Variants in TMEM120B observed in about 807,000 individuals in gnomAD.
TMEM120B encodes transmembrane protein 120B.
A neutral mutation model predicts 55.5 loss-of-function variants in TMEM120B; 31 were observed. The observed-to-expected ratio is 0.56, with a 90% CI of 0.42 to 0.75. TMEM120B has a LOEUF of 0.75. Ranked by LOEUF, TMEM120B falls within the 30% of genes least tolerant of loss-of-function variation. The pLI is 0.00. For synonymous variants in TMEM120B, 203 were observed against 176.3 expected, an observed-to-expected ratio of 1.15 and a Z score of -1.20; for missense variants, 399 against 425.5, an observed-to-expected ratio of 0.94 and a Z score of 0.55.
At chr12:121,726,143 G>C (rs1012197385) in intron 1 of TMEM120B, among the ~76,000 whole-genome samples, 2 of 151,976 alleles carry the variant, frequency 1.3e-5, no homozygotes, top group Non-Finnish European at 2.9e-5. Flanking sequence ...GAGACACCGG[G>C]GATCTTATTG....
intron 2 of TMEM120B, among the ~76,000 whole-genome samples, chr12:121,745,773 C>T (rs1185371812): frequency 6.6e-6 from 1 of 151,922 alleles, no homozygotes; most frequent in Non-Finnish European, 1.5e-5. Context: ...CAGCCTTGAT[C>T]TCCTGGGCTC....
Position 121,775,165 on chromosome 12 carries a change from C to T in TMEM120B, c.906+35C>T. On this transcript the variant is annotated intron_variant, in intron 11 of 11. Transcript: ENST00000449592. This position sits in a 1 kb window ranked among gnomAD's most constrained non-coding sequence, Gnocchi z 4.3. Reference sequence around the variant, plus strand: ...GTGGGGGCATGCTCGGGGGAGGTTCCCGGGAGGGCTGGGGTGGCAGGGATG... The same window carrying T: ...GTGGGGGCATGCTCGGGGGAGGTTCTCGGGAGGGCTGGGGTGGCAGGGATG... 1.4e-6 allele frequency: 2 copies of T among 1,406,166 alleles called. No homozygotes were observed. The highest frequency in any genetic ancestry group is 2.5e-5 in the East Asian group (1 of 39,374). 87.1% of individuals were successfully genotyped at this position (1,406,166 alleles called of 1,614,324 possible).
chr12:121,771,064 G>C (rs562721388), intron 7 of TMEM120B, 92 bp downstream of exon 7: 1 of 1,392,430 alleles, frequency 7.2e-7, no homozygotes, highest in African/African-American at 1.4e-5. Flanking sequence ...ACAGCGGTGG[G>C]GGGTGTGCTC....
intron 1 of TMEM120B, among the ~76,000 whole-genome samples, chr12:121,742,442 A>G (rs960276951): frequency 2.6e-5 from 4 of 152,196 alleles, no homozygotes; most frequent in Non-Finnish European, 5.9e-5. Context: ...AAAACAAAAA[A>G]AATCACTTTA....
chr12:121,748,813 A>T lies in TMEM120B; in HGVS notation c.305+371A>T, dbSNP rs574146373. Among the ~76,000 whole-genome samples, 14 of 152,284 alleles carry T rather than the reference A, an allele frequency of 9.2e-5. No individual in the cohort carries two copies. The South Asian group carries it at 2.3e-3, about 25-fold the overall frequency. Reference sequence around the variant, plus strand: ...TGATGTCACCTGGTTTATCCTCAACAATCTGTGCGTCAGACCAAGAGATGC... The same window carrying T: ...TGATGTCACCTGGTTTATCCTCAACTATCTGTGCGTCAGACCAAGAGATGC... On this transcript the variant is annotated intron_variant, in intron 3 of 11. Coordinates refer to ENST00000449592, the MANE Select transcript of TMEM120B (RefSeq NM_001080825.2).
Position 121,777,575 on chromosome 12 carries a change from ATTCTGGTCTCCT to A in TMEM120B, c.*1862_*1873del, listed in dbSNP as rs1398317555. 4 of 152,142 alleles carry A rather than the reference ATTCTGGTCTCCT, an allele frequency of 2.6e-5. No individual in the cohort carries two copies. The highest frequency in any genetic ancestry group is 9.7e-5 in the African/African-American group (4 of 41,386). 9.4% of individuals were successfully genotyped at this position (152,142 alleles called of 1,614,324 possible). On this transcript the variant is annotated 3_prime_UTR_variant, in exon 12 of 12. Coordinates refer to ENST00000449592, the MANE Select transcript of TMEM120B (RefSeq NM_001080825.2). ...AGGCCCTGCCACCCCCCTGCCCTTC[ATTCTGGTCTCCT>A]TTCTGGTCCTTTTTAGGCACCTGCG...
At chr12:121,735,153 T>C (rs1233698979) in intron 1 of TMEM120B, among the ~76,000 whole-genome samples, 1 of 138,342 alleles carries the variant, frequency 7.2e-6, no homozygotes, top group Non-Finnish European at 1.5e-5. Context: ...ACCAGTGCAC[T>C]CTAGCCTGGG....
At chr12:121,772,243 C>T (rs1367872938) in intron 8 of TMEM120B, among the ~76,000 whole-genome samples, 1 of 151,504 alleles carries the variant, frequency 6.6e-6, no homozygotes, top group African/African-American at 2.4e-5. Flanking sequence ...ATTCTTCTGC[C>T]TCAGCCTCCC....
At chr12:121,761,610 C>A in intron 5 of TMEM120B, 39 bp from the exon 6 acceptor site, 1 of 1,538,384 alleles carries the variant, frequency 6.5e-7, no homozygotes, top group Non-Finnish European at 9.0e-7. Flanking sequence ...GCCTGGTTCT[C>A]ACGCCCGCAC....
intron 1 of TMEM120B, among the ~76,000 whole-genome samples, chr12:121,732,718 G>T (rs994330373): frequency 6.6e-6 from 1 of 152,092 alleles, no homozygotes; most frequent in Non-Finnish European, 1.5e-5. Context: ...GGTGGCTCAC[G>T]CCTGTAATCC....
intron 1 of TMEM120B, among the ~76,000 whole-genome samples, chr12:121,733,956 G>A (rs563346229): frequency 1.3e-5 from 2 of 152,308 alleles, no homozygotes; most frequent in Admixed American, 6.5e-5. Context: ...CAAAGGATGT[G>A]TTTAGGGTAT....
chr12:121,734,543 C>T (rs949043240), intron 1 of TMEM120B, among the ~76,000 whole-genome samples: 3 of 151,492 alleles, frequency 2.0e-5, no homozygotes, highest in Non-Finnish European at 2.9e-5. Context: ...CAGGCGTGAG[C>T]CACCACGCCT....
intron 1 of TMEM120B, 72 bp from the exon 2 acceptor site, chr12:121,743,555 CAA>C (rs58947958): frequency 2.0e-4 from 194 of 966,302 alleles, no homozygotes; most frequent in East Asian, 2.5e-4. Flanking sequence ...GAGACTCTCT[CAA>C]AAAAAAAAAG....
rs1282786023 is a variant in TMEM120B at position 121,741,140 on chromosome 12, G to C, written c.70-2489G>C. Among the ~76,000 whole-genome samples the C allele has an allele frequency of 2.0e-5, 3 of 152,068 alleles. No homozygotes were observed. The South Asian group carries it at 6.2e-4, about 32-fold the overall frequency. On this transcript the variant is annotated intron_variant, in intron 1 of 11. Transcript: ENST00000449592. Reference sequence around the variant, plus strand: ...CTTACTGAGCATACAAAATTAGGTAGCCAGACTTGGCCTGCGGCGGTGGTT... The same window carrying C: ...CTTACTGAGCATACAAAATTAGGTACCCAGACTTGGCCTGCGGCGGTGGTT...
rs139748818 is a variant in TMEM120B at position 121,742,641 on chromosome 12, A to C, written c.70-988A>C. 3.8e-4 allele frequency among the ~76,000 whole-genome samples: 58 copies of C among 152,192 alleles called. No individual in the cohort carries two copies. The East Asian group carries it at 0.011, about 28-fold the overall frequency. On this transcript the variant is annotated intron_variant, in intron 1 of 11. Transcript: ENST00000449592. ...CATACTTTCGCCCAGGCTGGAGTGA[A>C]GTGGCGTGGTCTTAGTTCACTGCAA...
Position 121,779,483 on chromosome 12 carries a change from T to C in TMEM120B, c.*3761T>C. 1 of 1,609,642 alleles carries C rather than the reference T, an allele frequency of 6.2e-7. No individual in the cohort carries two copies. Reference sequence around the variant, plus strand: ...GGGCCCTGTCAGTGCTGTCGTGAGGTCTGTCTGCCCTGGGTCAGAGCAGCA... The same window carrying C: ...GGGCCCTGTCAGTGCTGTCGTGAGGCCTGTCTGCCCTGGGTCAGAGCAGCA... On this transcript the variant is annotated 3_prime_UTR_variant, in exon 12 of 12. Coordinates refer to ENST00000449592, the MANE Select transcript of TMEM120B (RefSeq NM_001080825.2).
chr12:121,774,986 C>T (rs2137418599), intron 10 of TMEM120B, 76 bp from the exon 11 acceptor site: 1 of 1,522,604 alleles, frequency 6.6e-7, no homozygotes, highest in Non-Finnish European at 9.1e-7. Flanking sequence ...GGTGAGGGGC[C>T]TGGCCATCAC....
intron 6 of TMEM120B, among the ~76,000 whole-genome samples, chr12:121,768,782 T>C (rs73411786): frequency 0.048 from 7,310 of 152,084 alleles, 227 homozygotes; most frequent in African/African-American, 0.069. Flanking sequence ...TCCAACTCCT[T>C]TTTTCCTAGG....
rs1874443078 is a variant in TMEM120B at position 121,781,178 on chromosome 12, C to T, written c.*5456C>T. The T allele has an allele frequency of 2.5e-6, 4 of 1,614,038 alleles. No homozygotes were observed. Among genetic ancestry groups the T allele is most frequent in the Non-Finnish European group, 3.4e-6 (4 of 1,180,042 alleles). ...TGGTAGGACAGGGGCCGCAGCCGGTCATAGTCTTCTTGCCCTGAAAGCACA... is the reference window on the plus strand; with the variant it reads ...TGGTAGGACAGGGGCCGCAGCCGGTTATAGTCTTCTTGCCCTGAAAGCACA... On this transcript the variant is annotated 3_prime_UTR_variant, in exon 12 of 12. Transcript: ENST00000449592.
Sources: gnomAD v4.1 joint callset for allele counts (sites outside exome capture counted in the v4.1 genomes callset) on GRCh38, gnomAD v4.1.1 for gene constraint, Gnocchi (gnomAD v3.1) non-coding constraint, MANE v1.5 for transcripts, NCBI Gene and HGNC (gene_info 2026-07-23, HGNC 2026-07-21) for gene names.